The following CDCA2 variants were observed in gnomAD, a reference collection of about 807,000 sequenced individuals.
The protein encoded by CDCA2 is cell division cycle associated 2.
Under a neutral mutation model 67.0 loss-of-function variants are expected in CDCA2, and 44 were observed. That is an observed-to-expected ratio of 0.66 (90% CI 0.52 to 0.84). The LOEUF (loss-of-function observed/expected upper bound fraction) is 0.84, where lower values mean the gene tolerates loss of function less well. Among genes scored for constraint, CDCA2 ranks in the 40% least tolerant of loss-of-function variants. The probability of loss-of-function intolerance (pLI) is 0.00; values close to 1 mark genes in which losing one functional copy is unlikely to be tolerated. For missense variants in CDCA2, 1,253 were observed against 1,203.2 expected, an observed-to-expected ratio of 1.04 and a Z score of -0.61; for synonymous variants, 447 against 418.7, an observed-to-expected ratio of 1.07 and a Z score of -0.82.
chr8:25,501,960 C>T (rs1040334828), intron 13 of CDCA2, among the ~76,000 whole-genome samples: 1 of 152,114 alleles, frequency 6.6e-6, no homozygotes, highest in African/African-American at 2.4e-5. Context: ...TGCAGTGGCG[C>T]GATCTCGGCT....
intron 7 of CDCA2, among the ~76,000 whole-genome samples, chr8:25,473,771 C>A (rs1364590065): frequency 1.3e-5 from 2 of 152,008 alleles, no homozygotes; most frequent in African/African-American, 4.8e-5. Context: ...ATATTTTTTT[C>A]ATTTCTTCCG....
intron 13 of CDCA2, among the ~76,000 whole-genome samples, chr8:25,496,764 G>C (rs1220493122): frequency 6.6e-6 from 1 of 152,124 alleles, no homozygotes; most frequent in African/African-American, 2.4e-5. Flanking sequence ...TGTTGGAGAG[G>C]ATATGGAGAA....
At chr8:25,486,754 G>T (rs1803793520) in intron 11 of CDCA2, among the ~76,000 whole-genome samples, 1 of 152,098 alleles carries the variant, frequency 6.6e-6, no homozygotes, top group Non-Finnish European at 1.5e-5. Context: ...GACGGAGGTT[G>T]CAGTGAGCTG....
chr8:25,493,510 G>A (rs1019202274), intron 13 of CDCA2, among the ~76,000 whole-genome samples: 3 of 152,034 alleles, frequency 2.0e-5, no homozygotes, highest in Non-Finnish European at 2.9e-5. Flanking sequence ...AACAAGCTTG[G>A]GAAAAGTATT....
rs748210551 is a variant in CDCA2, at chr8:25,460,391, C to G, written c.69C>G (p.Ala23=). The stretch of plus-strand genomic sequence containing the variant: ...ATATGTCGTCCGTTTCAGGAAATGC[C>G]TCTTTCATTTTGGGAACTGGGAAGA... ...KESAMNNAGN[A]SFILGTGKIV... The change falls in exon 3 of 15, where the codon GCC becomes GCG. Residue 23 remains alanine (A), a synonymous_variant. Coordinates refer to ENST00000330560, the MANE Select transcript of CDCA2 (RefSeq NM_152562.4). 2.5e-6 allele frequency: 4 copies of G among 1,614,144 alleles called. No homozygotes were observed. In the South Asian group the frequency reaches 4.4e-5, roughly 18 times the overall value.
intron 13 of CDCA2, among the ~76,000 whole-genome samples, chr8:25,492,491 A>G (rs1173224196): frequency 6.6e-6 from 1 of 152,314 alleles, no homozygotes; most frequent in East Asian, 1.9e-4. Context: ...TATGAAAGGT[A>G]TGTCACATAA....
intron 7 of CDCA2, among the ~76,000 whole-genome samples, chr8:25,472,970 T>A (rs1244764945): frequency 6.6e-6 from 1 of 152,204 alleles, no homozygotes; most frequent in South Asian, 2.1e-4. Flanking sequence ...CTTATCTATC[T>A]GAAACCTTGT....
At chr8:25,463,812 G>C (rs772369129) in intron 4 of CDCA2, among the ~76,000 whole-genome samples, 3 of 152,060 alleles carry the variant, frequency 2.0e-5, no homozygotes, top group Non-Finnish European at 4.4e-5. Flanking sequence ...TGATGCCTTC[G>C]TACGCCCACT....
rs182269854 is a variant in CDCA2 at position 25,469,252 on chromosome 8, A to G, written c.736-644A>G. Among the ~76,000 whole-genome samples the G allele has an allele frequency of 8.5e-5, 13 of 152,316 alleles. No individual in the cohort carries two copies. The East Asian group carries it at 1.5e-3, about 18-fold the overall frequency. On this transcript the variant is annotated intron_variant, in intron 6 of 14. Transcript: ENST00000330560. ...TTTTATGTGGACTGGCAGAACAAAG[A>G]TTTGATAGTTATTAGACATTCTTCA...
chr8:25,460,753 C>G (rs1349902031), intron 3 of CDCA2, among the ~76,000 whole-genome samples, 199 bp downstream of exon 3: 1 of 152,122 alleles, frequency 6.6e-6, no homozygotes. Context: ...TCGCAGGGCA[C>G]CCAGCATGAT....
chr8:25,468,438 G>T, intron 6 of CDCA2, 25 bp downstream of exon 6: 1 of 1,587,768 alleles, frequency 6.3e-7, no homozygotes. Flanking sequence ...TTACGCATAG[G>T]AAAATGAAGT....
intron 13 of CDCA2, among the ~76,000 whole-genome samples, chr8:25,497,427 AT>A (rs1419967971): frequency 4.6e-5 from 7 of 151,546 alleles, no homozygotes; most frequent in African/African-American, 9.7e-5. Context: ...CCTTAAGGGC[AT>A]TACGTTAAGT....
At chr8:25,483,519 G>A (rs1803650005) in intron 9 of CDCA2, 33 bp downstream of exon 9, 1 of 1,477,868 alleles carries the variant, frequency 6.8e-7, no homozygotes, top group South Asian at 1.2e-5. Context: ...TAAGCTTGAG[G>A]ATATCATTTT....
chr8:25,475,809 C>T lies in CDCA2; in HGVS notation c.821-4104C>T, dbSNP rs576799979. Among the ~76,000 whole-genome samples the T allele has an allele frequency of 1.3e-4, 20 of 152,306 alleles. No homozygotes were observed. The South Asian group carries it at 4.1e-3, about 32-fold the overall frequency. ...ATGCAGGAAGCCACCAGAATTCGCT[C>T]TCTGGTGGCTGTGATCCCCATCCCA... On this transcript the variant is annotated intron_variant, in intron 7 of 14. Transcript: ENST00000330560.
intron 13 of CDCA2, among the ~76,000 whole-genome samples, chr8:25,493,565 A>C (rs772702456): frequency 3.9e-5 from 6 of 152,238 alleles, no homozygotes; most frequent in Non-Finnish European, 8.8e-5. Flanking sequence ...CTAATATTTG[A>C]AGAGCTTCTA....
intron 14 of CDCA2, among the ~76,000 whole-genome samples, chr8:25,505,250 G>GGAGT (rs2117557561): frequency 6.6e-6 from 1 of 152,198 alleles, no homozygotes; most frequent in South Asian, 2.1e-4. Context: ...CGCCCAGCCT[G>GGAGT]GAGTGCAGTG....
At chr8:25,470,905 G>C (rs950189698) in intron 7 of CDCA2, among the ~76,000 whole-genome samples, 1 of 151,968 alleles carries the variant, frequency 6.6e-6, no homozygotes, top group Admixed American at 6.6e-5. Context: ...GGGATTACAG[G>C]CGTGCACCAC....
At chr8:25,494,109 A>G (rs1804114034) in intron 13 of CDCA2, among the ~76,000 whole-genome samples, 1 of 152,186 alleles carries the variant, frequency 6.6e-6, no homozygotes, top group South Asian at 2.1e-4. Context: ...AGTGATGCCA[A>G]GGGGACACAG....
chr8:25,470,923 A>G (rs1461596892), intron 7 of CDCA2, among the ~76,000 whole-genome samples: 1 of 151,982 alleles, frequency 6.6e-6, no homozygotes, highest in Admixed American at 6.6e-5. Context: ...CACCATGCCC[A>G]GCTAATTTTT....
Sources: gnomAD v4.1 joint callset for allele counts (sites outside exome capture counted in the v4.1 genomes callset) on GRCh38, gnomAD v4.1.1 for gene constraint, MANE v1.5 for transcripts, NCBI Gene and HGNC (gene_info 2026-07-23, HGNC 2026-07-21) for gene names.